RGS12: variants seen among roughly 807,000 people sequenced by gnomAD.
RGS12 encodes regulator of G-protein signaling 12.
RGS12 carries 66 observed loss-of-function variants against 120.1 expected under a neutral mutation model. That is an observed-to-expected ratio of 0.55 (90% CI 0.45 to 0.67). The LOEUF (loss-of-function observed/expected upper bound fraction) is 0.67, where lower values mean the gene tolerates loss of function less well. Ranked by LOEUF, RGS12 falls within the 30% of genes least tolerant of loss-of-function variation. RGS12 has a pLI of 0.00. For synonymous variants in RGS12, 827 were observed against 804.7 expected (o/e 1.03, Z -0.47); for missense variants, 1,859 against 1,957.7 (o/e 0.95, Z 0.95).
In RGS12 at chr4:3,417,506, C is replaced by CCCGCGGA. The variant is rs748451275; in HGVS notation, c.2728_2729insGCGGACC (p.Gln910ArgfsTer86). 6.2e-7 allele frequency: 1 copy of CCCGCGGA among 1,613,238 alleles called. No homozygotes were observed. The highest frequency in any genetic ancestry group is 1.1e-5 in the South Asian group (1 of 91,068). ...TCGCGGACCAGGAGCACCGGGAGGT[C>CCCGCGGA]CCAGAAAAAGAGGGAGCACGGGGAC... On this transcript the variant is annotated frameshift_variant, in exon 9 of 18. Coordinates refer to ENST00000336727, the MANE Select transcript of RGS12 (RefSeq NM_001394154.1). LOFTEE classifies it high-confidence loss of function.
intron 3 of RGS12, among the ~76,000 whole-genome samples, chr4:3,362,969 A>T (rs1327748760): frequency 2.2e-5 from 2 of 90,748 alleles, no homozygotes; most frequent in Admixed American, 2.0e-4. Context: ...GTGTGAAGGC[A>T]TGTGTGTGAG....
At chr4:3,379,013 G>GTGTGTT (rs1306916105) in intron 3 of RGS12, among the ~76,000 whole-genome samples, 12 of 87,654 alleles carry the variant, frequency 1.4e-4, no homozygotes, top group African/African-American at 3.8e-4. Flanking sequence ...CGATGTGTGT[G>GTGTGTT]TGTGTGTGTG....
intron 13 of RGS12, chr4:3,423,989 A>G (rs1723331953): frequency 5.3e-6 from 1 of 190,004 alleles, no homozygotes; most frequent in Admixed American, 5.4e-5. Context: ...CCCTGCCCCC[A>G]CTGCACCTGC....
intron 17 of RGS12, among the ~76,000 whole-genome samples, chr4:3,436,650 G>A (rs147147167): frequency 3.1e-3 from 476 of 152,342 alleles, no homozygotes; most frequent in Non-Finnish European, 5.5e-3. Flanking sequence ...TGAGGACCAG[G>A]GTGGGGCGGG....
At chr4:3,371,875 C>G (rs893687239) in intron 3 of RGS12, among the ~76,000 whole-genome samples, 1 of 152,204 alleles carries the variant, frequency 6.6e-6, no homozygotes, top group African/African-American at 2.4e-5. Context: ...CTCCAGCTCC[C>G]CTCATCTTGA....
At chr4:3,364,726 G>A (rs1438182547) in intron 3 of RGS12, among the ~76,000 whole-genome samples, 1 of 152,074 alleles carries the variant, frequency 6.6e-6, no homozygotes, top group Non-Finnish European at 1.5e-5. Context: ...TGTGACAGAA[G>A]CTTTGGGTAA....
chr4:3,423,061 C>T (rs1312534452), intron 12 of RGS12, 83 bp downstream of exon 12: 28 of 1,078,214 alleles, frequency 2.6e-5, no homozygotes, highest in African/African-American at 6.3e-5. Flanking sequence ...CTGCGCTTAG[C>T]GGGCGGCCTG....
rs1724725607 is a variant in RGS12, at chr4:3,316,177, A to G, written c.7A>G (p.Arg3Gly). 6.4e-7 allele frequency: 1 copy of G among 1,551,726 alleles called. No homozygotes were observed. The highest frequency in any genetic ancestry group is 2.0e-5 in the Admixed American group (1 of 50,526). Residue 3 changes from arginine to glycine, a missense_variant, in exon 2 of 18, where the codon AGA (arginine) becomes GGA (glycine). Coordinates refer to ENST00000336727, the MANE Select transcript of RGS12 (RefSeq NM_001394154.1). MFRAGEASKRPLP... is the reference protein window; with the variant it reads MFGAGEASKRPLP... ...GTCTTGGAAGCTCATCAGAATGTTT[A>G]GAGCTGGGGAGGCCTCCAAACGCCC...
At position 3,345,976 on chromosome 4, in the gene RGS12, T is replaced by A. The variant is rs1013463134; in HGVS notation, c.1998+2923T>A. 3.9e-5 allele frequency among the ~76,000 whole-genome samples: 6 copies of A among 152,128 alleles called. No homozygotes were observed. The East Asian group carries it at 1.2e-3, about 29-fold the overall frequency. ...TTTCTCATGTTGCCCGGGCAGATCT[T>A]GAATTCCTGGGCTCAATCTGTCTTC... On this transcript the variant is annotated intron_variant, in intron 3 of 17. Coordinates refer to ENST00000336727, the MANE Select transcript of RGS12 (RefSeq NM_001394154.1).
intron 3 of RGS12, chr4:3,370,370 G>A (rs763068436): frequency 5.8e-6 from 9 of 1,564,070 alleles, no homozygotes; most frequent in East Asian, 2.2e-5. Context: ...GTAGGAAAGC[G>A]TGGCACCCTG....
intron 2 of RGS12, among the ~76,000 whole-genome samples, chr4:3,320,391 A>C (rs932057152): frequency 1.3e-5 from 2 of 152,192 alleles, no homozygotes; most frequent in African/African-American, 4.8e-5. Flanking sequence ...GGGAGCTAGC[A>C]TGTCCTCAGG....
intron 1 of RGS12, among the ~76,000 whole-genome samples, chr4:3,301,608 G>A (rs937269790): frequency 7.8e-6 from 1 of 128,984 alleles, no homozygotes; most frequent in Non-Finnish European, 1.6e-5. Context: ...GGGATGGAGA[G>A]TGAGGCCGGG....
intron 1 of RGS12, among the ~76,000 whole-genome samples, chr4:3,302,431 G>A (rs1347101337): frequency 6.6e-6 from 1 of 152,250 alleles, no homozygotes; most frequent in Non-Finnish European, 1.5e-5. Context: ...TGTCTTTGTG[G>A]TGTGGTGCTT....
At chr4:3,300,759 G>A (rs922510577) in intron 1 of RGS12, among the ~76,000 whole-genome samples, 1 of 152,170 alleles carries the variant, frequency 6.6e-6, no homozygotes, top group African/African-American at 2.4e-5. Context: ...GCTTTCTCTG[G>A]GTCTGTGTGT....
At chr4:3,309,872 G>T (rs6845637) in intron 1 of RGS12, among the ~76,000 whole-genome samples, 110 of 94,712 alleles carry the variant, frequency 1.2e-3, no homozygotes, top group African/African-American at 1.9e-3. Context: ...GCTGGGATCC[G>T]GGAATGGCAG....
intron 2 of RGS12, among the ~76,000 whole-genome samples, chr4:3,318,431 C>T (rs1481457267): frequency 6.6e-6 from 1 of 152,210 alleles, no homozygotes; most frequent in Non-Finnish European, 1.5e-5. Context: ...TAGGTCTGAC[C>T]CCAGAATCTT....
rs1473638588 is a variant in RGS12 at position 3,420,654 on chromosome 4, C to T, written c.2774C>T (p.Ala925Val). 9 of 1,613,522 alleles carry T rather than the reference C, an allele frequency of 5.6e-6. No homozygotes were observed. In the African/African-American group the frequency reaches 6.7e-5, roughly 12 times the overall value. ...TTCCCCTGTCAAGACGCCCTGCATG[C>T]CAATGGAGGCCTGTGTCGCCGAGAG... ...HGDHADDALH[A>V]NGGLCRRESQ... Residue 925 changes from alanine to valine, a missense_variant, in exon 10 of 18, where the codon GCC becomes GTC. Physicochemically the swap from Ala to Val is moderately conservative, Grantham distance 64 (BLOSUM62 0). Transcript: ENST00000336727.
chr4:3,413,130 C>T (rs1721934429), intron 4 of RGS12: 1 of 67,084 alleles, frequency 1.5e-5, no homozygotes, highest in African/African-American at 7.4e-5. Flanking sequence ...GGGACGGGGG[C>T]GCCCCCACAC....
At chr4:3,355,181 A>T (rs1381817045) in intron 3 of RGS12, among the ~76,000 whole-genome samples, 2 of 152,192 alleles carry the variant, frequency 1.3e-5, no homozygotes, top group Non-Finnish European at 2.9e-5. Flanking sequence ...CAGAATACAT[A>T]AAAAAAGTAT....
Sources: gnomAD v4.1 joint callset for allele counts (sites outside exome capture counted in the v4.1 genomes callset) on GRCh38, gnomAD v4.1.1 for gene constraint, MANE v1.5 for transcripts, NCBI Gene and HGNC (gene_info 2026-07-23, HGNC 2026-07-21) for gene names.